TTC6: variants seen among roughly 807,000 people sequenced by gnomAD.
The protein encoded by TTC6 is tetratricopeptide repeat domain 6, also known as tetratricopeptide repeat protein 6.
A neutral mutation model predicts 210.4 loss-of-function variants in TTC6; 172 were observed. The ratio of observed to expected loss-of-function variants is 0.82; its 90% CI spans 0.72 to 0.93. TTC6 has a LOEUF of 0.93. Ranked by LOEUF, TTC6 falls within the 40% of genes least tolerant of loss-of-function variation. TTC6 has a pLI of 0.00. For missense variants in TTC6, 2,414 were observed against 2,318.1 expected, an observed-to-expected ratio of 1.04 and a Z score of -0.85; for synonymous variants, 804 against 819.6, an observed-to-expected ratio of 0.98 and a Z score of 0.32.
intron 17 of TTC6, among the ~76,000 whole-genome samples, chr14:37,793,031 T>G (rs533464939): frequency 6.6e-6 from 1 of 152,240 alleles, no homozygotes; most frequent in South Asian, 2.1e-4. Flanking sequence ...GATAACGCTG[T>G]TAACTCTTGT....
chr14:37,741,584 C>G (rs907428812), intron 10 of TTC6, among the ~76,000 whole-genome samples: 3 of 152,190 alleles, frequency 2.0e-5, no homozygotes, highest in Non-Finnish European at 2.9e-5. Context: ...GGCACCGCGC[C>G]TGGCCTTTTC....
intron 2 of TTC6, chr14:37,611,103 C>T (rs2095633530): frequency 6.6e-6 from 1 of 152,432 alleles, no homozygotes; most frequent in Non-Finnish European, 1.5e-5. Flanking sequence ...CGAGGCTGCC[C>T]CGGAGCGGGT....
At chr14:37,749,370 A>G in exon 11 of TTC6, 3 of 1,458,648 alleles carry the variant, frequency 2.1e-6, no homozygotes, top group African/African-American at 1.4e-5. Flanking sequence ...AAACTGGGAA[A>G]GTTGCAGAGT....
At chr14:37,741,163 A>G (rs941110807) in intron 10 of TTC6, among the ~76,000 whole-genome samples, 3 of 152,128 alleles carry the variant, frequency 2.0e-5, no homozygotes, top group Admixed American at 6.5e-5. Flanking sequence ...AAAAATCTTA[A>G]TTCAAACTAA....
intron 1 of TTC6, among the ~76,000 whole-genome samples, chr14:37,672,154 T>C (rs1416444892): frequency 6.6e-6 from 1 of 152,174 alleles, no homozygotes; most frequent in Non-Finnish European, 1.5e-5. Flanking sequence ...TTCATTGATA[T>C]AGATGCATAA....
intron 1 of TTC6, among the ~76,000 whole-genome samples, chr14:37,603,556 T>C (rs748754712): frequency 3.3e-5 from 5 of 152,254 alleles, no homozygotes; most frequent in Admixed American, 6.5e-5. Context: ...ATACGGTTTA[T>C]GGTAAATTTA....
At chr14:37,704,348 C>G (rs189142494) in intron 5 of TTC6, among the ~76,000 whole-genome samples, 2 of 152,262 alleles carry the variant, frequency 1.3e-5, no homozygotes, top group African/African-American at 4.8e-5. Context: ...ATCCACTGTG[C>G]CTGGCCAGAT....
intron 10 of TTC6, among the ~76,000 whole-genome samples, chr14:37,744,505 T>C (rs979073264): frequency 2.0e-5 from 3 of 152,108 alleles, no homozygotes; most frequent in African/African-American, 7.2e-5. Context: ...AGGCCTTGAG[T>C]TGGAGACATG....
intron 1 of TTC6, among the ~76,000 whole-genome samples, chr14:37,660,464 A>T (rs2095735112): frequency 6.6e-6 from 1 of 152,136 alleles, no homozygotes; most frequent in African/African-American, 2.4e-5. Flanking sequence ...TTCCACTTAC[A>T]ACTGAGAATA....
chr14:37,753,327 C>A, intron 14 of TTC6, 92 bp downstream of exon 16: 2 of 1,100,856 alleles, frequency 1.8e-6, no homozygotes, highest in Non-Finnish European at 2.5e-6. Flanking sequence ...CATCAGACAG[C>A]TCTTTAAAAA....
upstream of TTC6, among the ~76,000 whole-genome samples, chr14:37,619,759 G>A (rs1222223853): frequency 6.6e-6 from 1 of 150,686 alleles, no homozygotes; most frequent in Admixed American, 6.6e-5. Context: ...TCTTCATTGA[G>A]GGACAAGTGC....
chr14:37,682,710 AG>A, intron 2 of TTC6, 47 bp from the exon 5 acceptor site: 1 of 1,481,298 alleles, frequency 6.8e-7, no homozygotes, highest in South Asian at 1.2e-5. Context: ...AAAGCCTAGA[AG>A]GACCAATAAA....
In TTC6 at chr14:37,770,942, C is replaced by T. The variant is rs1251776942; in HGVS notation, c.3267-16526C>T. Among the ~76,000 whole-genome samples, 24 of 137,934 alleles carry T rather than the reference C, an allele frequency of 1.7e-4. No homozygotes were observed. The East Asian group carries it at 2.3e-3, about 13-fold the overall frequency. The allele number at this position is 137,934 out of a possible 152,430, so 90.5% of individuals were successfully genotyped here. ...GGCATGATTTTGCAGCGGCTGGTAC[C>T]GGTTGTTCCTTTCCATGTTTAGTGC... On this transcript the variant is annotated intron_variant, in intron 14 of 30. Coordinates refer to ENST00000553443, the Ensembl canonical transcript of TTC6.
upstream of TTC6, among the ~76,000 whole-genome samples, chr14:37,621,018 G>T (rs969654192): frequency 6.6e-6 from 1 of 152,088 alleles, no homozygotes; most frequent in Non-Finnish European, 1.5e-5. Context: ...CACAGAAAAA[G>T]TACAGAGAGT....
intron 3 of TTC6, among the ~76,000 whole-genome samples, chr14:37,695,512 G>A (rs530821867): frequency 3.3e-5 from 5 of 152,050 alleles, no homozygotes; most frequent in South Asian, 2.1e-4. Context: ...GCACCACCAC[G>A]CCTAGCTAAT....
chr14:37,841,527 T>C, exon 30 of TTC6: 1 of 1,602,972 alleles, frequency 6.2e-7, no homozygotes. Context: ...ACAAATACAA[T>C]ATTAAAGAAA....
intron 1 of TTC6, among the ~76,000 whole-genome samples, chr14:37,669,535 T>C (rs151237895): frequency 0.014 from 2,079 of 152,282 alleles, 109 homozygotes; most frequent in Admixed American, 0.099. Context: ...CCGAACTCCT[T>C]GGTACAAGTT....
chr14:37,782,678 A>G (rs944550114), intron 14 of TTC6, among the ~76,000 whole-genome samples: 6 of 152,056 alleles, frequency 3.9e-5, no homozygotes, highest in African/African-American at 9.7e-5. Context: ...AATAGGAGTG[A>G]TGAGAGAGGG....
chr14:37,679,761 G>C (rs2095778988), intron 1 of TTC6, among the ~76,000 whole-genome samples: 1 of 152,082 alleles, frequency 6.6e-6, no homozygotes, highest in Admixed American at 6.6e-5. Context: ...CATGATCTCA[G>C]CTCACTGCAA....
Sources: allele counts gnomAD v4.1 joint callset (sites outside exome capture counted in the v4.1 genomes callset), GRCh38; gene constraint gnomAD v4.1.1; transcripts MANE v1.5; gene names NCBI Gene and HGNC (gene_info 2026-07-23, HGNC 2026-07-21).